Variants in NSG1 observed in about 807,000 individuals in gnomAD.
NSG1 encodes neuronal vesicle trafficking-associated protein 1.
In NSG1, 9 loss-of-function variants were observed where a neutral mutation model predicts 19.3. The observed-to-expected ratio is 0.47, with a 90% CI of 0.28 to 0.81. The LOEUF (loss-of-function observed/expected upper bound fraction) is 0.81, where lower values mean the gene tolerates loss of function less well. NSG1 is among the 40% of genes least tolerant of loss of function. The pLI is 0.11. For missense variants in NSG1, 236 were observed against 242.4 expected (o/e 0.97, Z 0.18); for synonymous variants, 104 against 107.0 (o/e 0.97, Z 0.17).
chr4:4,388,425 G>T (rs773297556), intron 2 of NSG1, among the ~76,000 whole-genome samples: 8 of 152,204 alleles, frequency 5.3e-5, no homozygotes, highest in Admixed American at 3.9e-4. Flanking sequence ...TGAATTTAAA[G>T]AATCTCCTCT....
chr4:4,403,339 G>A (rs1190501675), intron 3 of NSG1, among the ~76,000 whole-genome samples: 1 of 152,224 alleles, frequency 6.6e-6, no homozygotes, highest in African/African-American at 2.4e-5. Flanking sequence ...GCCGGGCCCT[G>A]CTCTGTCCGG....
chr4:4,411,972 TTGTA>T (rs1724229245), intron 4 of NSG1, among the ~76,000 whole-genome samples: 2 of 152,132 alleles, frequency 1.3e-5, no homozygotes, highest in African/African-American at 4.8e-5. Context: ...CTGTATGTAA[TTGTA>T]TGTGCAAGAC....
chr4:4,417,325 T>C lies in NSG1; in HGVS notation c.448T>C (p.Tyr150His). ...REKFYTVINH[Y>H]NLAKQSITRS... ...GAAATTTTACACAGTCATAAACCAC[T>C]ACAACCTGGCCAAGCAGAGCATCAC... is the stretch of plus-strand genomic sequence containing the variant. The change falls in exon 5 of 5, where the codon TAC becomes CAC. Residue 150 changes from tyrosine to histidine, a missense_variant. Physicochemically the swap from Tyr to His is moderately conservative, Grantham distance 83. Transcript: ENST00000621129. 6.2e-7 allele frequency: 1 copy of C among 1,614,126 alleles called. No homozygotes were observed. The highest frequency in any genetic ancestry group is 8.5e-7 in the Non-Finnish European group (1 of 1,180,034).
intron 3 of NSG1, among the ~76,000 whole-genome samples, chr4:4,401,482 C>G (rs1257806589): frequency 6.6e-6 from 1 of 152,180 alleles, no homozygotes; most frequent in African/African-American, 2.4e-5. Flanking sequence ...GTGGCACAAA[C>G]CCTTTCTTCC....
At chr4:4,407,633 C>A (rs1353010050) in intron 3 of NSG1, among the ~76,000 whole-genome samples, 1 of 152,164 alleles carries the variant, frequency 6.6e-6, no homozygotes, top group Middle Eastern at 3.2e-3. Context: ...AGTCAGGATG[C>A]AGGCTCGGGG....
intron 4 of NSG1, among the ~76,000 whole-genome samples, chr4:4,412,132 T>G (rs7685812): frequency 2.2e-4 from 34 of 152,214 alleles, no homozygotes; most frequent in African/African-American, 8.0e-4. Context: ...GGGGCCACCA[T>G]GGCATGTGGT....
chr4:4,409,360 C>T (rs1256078727), intron 3 of NSG1, among the ~76,000 whole-genome samples: 3 of 152,260 alleles, frequency 2.0e-5, no homozygotes, highest in African/African-American at 7.2e-5. Context: ...AAATGAATGT[C>T]ACTTATGAAT....
At position 4,417,650 on chromosome 4, in the gene NSG1, AC is replaced by A; in HGVS notation, c.*217del. The stretch of plus-strand genomic sequence containing the variant: ...TCAGCATTGCCTAAAGAGCTCTGAC[AC>A]CACTTTTCATGTTAAGATCTTCATT... On this transcript the variant is annotated 3_prime_UTR_variant, in exon 5 of 5. Coordinates refer to ENST00000621129, the MANE Select transcript of NSG1 (RefSeq NM_014392.5). 1.8e-6 allele frequency: 1 copy of A among 565,104 alleles called. No homozygotes were observed. The highest frequency in any genetic ancestry group is 2.1e-5 in the South Asian group (1 of 46,852). 35.0% of individuals were successfully genotyped at this position (565,104 alleles called of 1,614,324 possible).
At chr4:4,387,048 C>T (rs1010572525), upstream of NSG1, 1 of 152,264 alleles carries the variant, frequency 6.6e-6, no homozygotes, top group African/African-American at 2.4e-5. Flanking sequence ...AGGGAGCGGC[C>T]GTGGAGCCCA....
At position 4,394,676 on chromosome 4, in the gene NSG1, C is replaced by T. The variant is rs1723164235; in HGVS notation, c.246+3085C>T. Among the ~76,000 whole-genome samples, 3 of 152,342 alleles carry T rather than the reference C, an allele frequency of 2.0e-5. No homozygotes were observed. The South Asian group carries it at 6.2e-4, about 32-fold the overall frequency. The stretch of plus-strand genomic sequence containing the variant: ...TTACTCATCAGCCGCTCTATGCCAG[C>T]CATGGTAAGAGCTCCTTGATATCAT... On this transcript the variant is annotated intron_variant, in intron 3 of 4. Coordinates refer to ENST00000621129, the MANE Select transcript of NSG1 (RefSeq NM_014392.5).
chr4:4,406,789 G>A (rs1181898177), intron 3 of NSG1, among the ~76,000 whole-genome samples: 3 of 152,162 alleles, frequency 2.0e-5, no homozygotes, highest in East Asian at 1.9e-4. Flanking sequence ...AGCTAGAGCC[G>A]CAGGGTCTGT....
At chr4:4,392,562 C>T (rs1004546690) in intron 3 of NSG1, among the ~76,000 whole-genome samples, 5 of 152,194 alleles carry the variant, frequency 3.3e-5, no homozygotes, top group African/African-American at 1.2e-4. Context: ...TTGTGGATCA[C>T]AGAAGGTGGG....
Position 4,387,668 on chromosome 4 carries a change from C to T in NSG1, c.39C>T (p.Thr13=). 6.2e-7 allele frequency: 1 copy of T among 1,613,792 alleles called. No individual in the cohort carries two copies. Among genetic ancestry groups the T allele is most frequent in the South Asian group, 1.1e-5 (1 of 91,082 alleles). ...GGAACAATTTCGCAGAGAAGGGCAC[C>T]AAGCAGCCGCTGCTGGAGGATGGCT... The part of the protein sequence containing the change: ...KLGNNFAEKG[T]KQPLLEDGFD... The change falls in exon 2 of 5, where the codon ACC becomes ACT. Residue 13 remains threonine (T), a synonymous_variant. Coordinates refer to ENST00000621129, the MANE Select transcript of NSG1 (RefSeq NM_014392.5).
At chr4:4,387,561 C>CCGGGGGTGGGTGTG in intron 1 of NSG1, 43 bp from the exon 2 acceptor site, 5 of 1,141,988 alleles carry the variant, frequency 4.4e-6, no homozygotes, top group African/African-American at 1.6e-5. Flanking sequence ...CGCCCCGCCC[C>CCGGGGGTGGGTGTG]GGGTCTTGCT....
At chr4:4,388,177 C>A (rs895924926) in intron 2 of NSG1, among the ~76,000 whole-genome samples, 1 of 150,776 alleles carries the variant, frequency 6.6e-6, no homozygotes, top group African/African-American at 2.4e-5. Context: ...ACTTGCCCCA[C>A]CGAGGCGGGG....
intron 4 of NSG1, among the ~76,000 whole-genome samples, chr4:4,414,279 A>G (rs989088381): frequency 6.6e-6 from 1 of 151,852 alleles, no homozygotes; most frequent in Admixed American, 6.5e-5. Context: ...ACTGGCGGCC[A>G]CAATGGAAGG....
At chr4:4,405,620 C>T (rs1723811442) in intron 3 of NSG1, among the ~76,000 whole-genome samples, 1 of 152,176 alleles carries the variant, frequency 6.6e-6, no homozygotes, top group South Asian at 2.1e-4. Context: ...AGGCCATGGA[C>T]CCCATGCTGT....
At chr4:4,409,489 G>GT (rs1553819195) in intron 3 of NSG1, 84 bp from the exon 4 acceptor site, 4 of 904,028 alleles carry the variant, frequency 4.4e-6, no homozygotes, top group African/African-American at 3.7e-5. Context: ...CATGCTGTGT[G>GT]GGGGGGGGCC....
intron 3 of NSG1, among the ~76,000 whole-genome samples, chr4:4,399,773 T>G (rs1478255481): frequency 1.3e-5 from 2 of 152,216 alleles, no homozygotes; most frequent in Non-Finnish European, 1.5e-5. Context: ...GGGATGGTTT[T>G]GGGATGAAAC....
Sources: allele counts gnomAD v4.1 joint callset (sites outside exome capture counted in the v4.1 genomes callset), GRCh38; gene constraint gnomAD v4.1.1; transcripts MANE v1.5; gene names NCBI Gene and HGNC (gene_info 2026-07-23, HGNC 2026-07-21).